Variants in TENM2 observed in about 807,000 individuals in gnomAD.
The protein encoded by TENM2 is teneurin-2.
A neutral mutation model predicts 245.2 loss-of-function variants in TENM2; 52 were observed. The observed-to-expected ratio is 0.21, with a 90% CI of 0.17 to 0.27. The LOEUF is 0.27. Ranked by LOEUF, TENM2 falls within the 10% of genes least tolerant of loss-of-function variation. The pLI, the probability that TENM2 is intolerant of heterozygous loss-of-function variation, is 1.00. For missense variants in TENM2, 3,046 were observed against 3,666.8 expected, an observed-to-expected ratio of 0.83 and a Z score of 4.37; for synonymous variants, 1,363 against 1,438.9, an observed-to-expected ratio of 0.95 and a Z score of 1.19.
chr5:167,790,660 G>A (rs532256711), intron 2 of TENM2, among the ~76,000 whole-genome samples: 1 of 152,114 alleles, frequency 6.6e-6, no homozygotes, highest in Non-Finnish European at 1.5e-5. Flanking sequence ...ATTTCTGTGG[G>A]AACCAATATT....
intron 2 of TENM2, among the ~76,000 whole-genome samples, chr5:167,789,492 G>T (rs572472046): frequency 2.0e-5 from 3 of 152,104 alleles, no homozygotes; most frequent in Non-Finnish European, 4.4e-5. Flanking sequence ...TCTCTGGATC[G>T]CCCAGCCAAG....
the TENM2 span, among the ~76,000 whole-genome samples, chr5:167,014,266 C>T: frequency 1.4e-5 from 2 of 147,198 alleles, no homozygotes; most frequent in African/African-American, 5.0e-5. Flanking sequence ...AAGTAAAATA[C>T]GACATAAGAT....
chr5:167,082,977 A>T, the TENM2 span, among the ~76,000 whole-genome samples: 1 of 152,126 alleles, frequency 6.6e-6, no homozygotes, highest in Non-Finnish European at 1.5e-5. Flanking sequence ...GCAATGCTGG[A>T]AAGACGGTTG....
Position 167,815,688 on chromosome 5 carries a change from T to C in TENM2, c.503-60298T>C, listed in dbSNP as rs1766992805. 4.6e-5 allele frequency among the ~76,000 whole-genome samples: 7 copies of C among 152,042 alleles called. 2 individuals carry two copies. In the South Asian group the frequency reaches 1.0e-3, roughly 23 times the overall value. On this transcript the variant is annotated intron_variant, in intron 2 of 28. Coordinates refer to ENST00000518659, the Ensembl canonical transcript of TENM2. Reference sequence around the variant, plus strand: ...CCACAGTGACTGTCCTCCCTAGCAATAGGACATCACAGAACAAGAAAACAT... The same window carrying C: ...CCACAGTGACTGTCCTCCCTAGCAACAGGACATCACAGAACAAGAAAACAT...
At chr5:167,158,291 T>G in the TENM2 span, among the ~76,000 whole-genome samples, 7 of 152,216 alleles carry the variant, frequency 4.6e-5, no homozygotes, top group Non-Finnish European at 1.0e-4. Flanking sequence ...GAAACAGGAC[T>G]TGGCCAGCCC....
chr5:167,557,637 C>T (rs1405218166), intron 2 of TENM2, among the ~76,000 whole-genome samples: 1 of 152,168 alleles, frequency 6.6e-6, no homozygotes, highest in African/African-American at 2.4e-5. Flanking sequence ...TGAGACTGTA[C>T]GTGGCTTATT....
intron 2 of TENM2, among the ~76,000 whole-genome samples, chr5:167,542,472 C>T: frequency 6.6e-6 from 1 of 152,140 alleles, no homozygotes; most frequent in East Asian, 1.9e-4. Flanking sequence ...TAGATTGTCT[C>T]CCTGTCTTCC....
intron 2 of TENM2, among the ~76,000 whole-genome samples, chr5:167,521,844 A>G (rs942886024): frequency 2.0e-5 from 3 of 152,154 alleles, no homozygotes; most frequent in Non-Finnish European, 4.4e-5. Flanking sequence ...TGATTACTGT[A>G]CAAAAATTAC....
chr5:167,774,406 A>G (rs1041145544), intron 2 of TENM2, among the ~76,000 whole-genome samples: 2 of 152,144 alleles, frequency 1.3e-5, no homozygotes, highest in African/African-American at 4.8e-5. Flanking sequence ...AAATTAGTCC[A>G]AGGATCTGGC....
chr5:167,859,561 G>A (rs1771501234), intron 2 of TENM2, among the ~76,000 whole-genome samples: 5 of 113,626 alleles, frequency 4.4e-5, no homozygotes, highest in Non-Finnish European at 7.5e-5. Context: ...GGAGGTGGGG[G>A]GGTCAGCCCC....
At chr5:167,326,702 A>AATATATAT (rs70976411) in intron 1 of TENM2, among the ~76,000 whole-genome samples, 24 of 143,212 alleles carry the variant, frequency 1.7e-4, no homozygotes, top group South Asian at 6.6e-4. Context: ...ATAATAAATA[A>AATATATAT]ATATATATAT....
chr5:167,187,194 A>G, the TENM2 span, among the ~76,000 whole-genome samples: 1 of 152,156 alleles, frequency 6.6e-6, no homozygotes, highest in East Asian at 1.9e-4. Context: ...TTCAGCATCC[A>G]TTTCAGATAA....
intron 6 of TENM2, among the ~76,000 whole-genome samples, chr5:168,054,341 C>T (rs1789359437): frequency 6.6e-6 from 1 of 152,168 alleles, no homozygotes; most frequent in South Asian, 2.1e-4. Context: ...CTTGGGCAGT[C>T]AATCTAAGGT....
intron 2 of TENM2, among the ~76,000 whole-genome samples, chr5:167,471,174 C>T (rs190188739): frequency 4.3e-4 from 65 of 152,294 alleles, no homozygotes; most frequent in Non-Finnish European, 6.0e-4. Context: ...TTATGACATG[C>T]CCTTGCTTCC....
At chr5:168,022,030 G>A (rs901569316) in intron 5 of TENM2, among the ~76,000 whole-genome samples, 4 of 152,208 alleles carry the variant, frequency 2.6e-5, no homozygotes, top group Admixed American at 1.3e-4. Context: ...AGATTGTCTA[G>A]TGTGATATAA....
At chr5:167,039,083 C>G in the TENM2 span, among the ~76,000 whole-genome samples, 1 of 152,132 alleles carries the variant, frequency 6.6e-6, no homozygotes, top group Admixed American at 6.5e-5. Flanking sequence ...GAGAAAGACT[C>G]TATTTAATTC....
chr5:168,005,136 A>T (rs1784722879), intron 5 of TENM2, among the ~76,000 whole-genome samples: 1 of 152,226 alleles, frequency 6.6e-6, no homozygotes, highest in African/African-American at 2.4e-5. Flanking sequence ...CCTTTCGGAA[A>T]GGTCAGCTGA....
chr5:168,095,693 G>A (rs544545138), intron 8 of TENM2, among the ~76,000 whole-genome samples: 2 of 152,190 alleles, frequency 1.3e-5, no homozygotes, highest in South Asian at 4.1e-4. Flanking sequence ...TTGTTATATA[G>A]TGTTTTGCAT....
the TENM2 span, among the ~76,000 whole-genome samples, chr5:167,089,892 G>C: frequency 6.6e-6 from 1 of 152,084 alleles, no homozygotes. Context: ...GAGGAAGGGG[G>C]TATCAGTTCT....
Sources: allele counts gnomAD v4.1 joint callset (sites outside exome capture counted in the v4.1 genomes callset), GRCh38; gene constraint gnomAD v4.1.1; transcripts MANE v1.5; gene names NCBI Gene and HGNC (gene_info 2026-07-23, HGNC 2026-07-21).